The following CHD7 variants were observed in gnomAD, a reference collection of about 807,000 sequenced individuals.
The protein encoded by CHD7 is chromodomain helicase DNA binding protein 7.
CHD7 carries 24 observed loss-of-function variants against 307.3 expected under a neutral mutation model. The observed-to-expected ratio is 0.08, with a 90% confidence interval of 0.06 to 0.11. The LOEUF (loss-of-function observed/expected upper bound fraction) is 0.11. CHD7 is among the 10% of genes least tolerant of loss of function. The pLI is 1.00. For missense variants in CHD7, 3,106 were observed against 3,727.1 expected (o/e 0.83, Z 4.34); for synonymous variants, 1,363 against 1,349.9 (o/e 1.01, Z -0.21).
chr8:60,768,426 C>G (rs1055136158), intron 2 of CHD7, among the ~76,000 whole-genome samples: 1 of 152,224 alleles, frequency 6.6e-6, no homozygotes, highest in African/African-American at 2.4e-5. Flanking sequence ...AACAACTTCT[C>G]TAAAAGGAGC....
At chr8:60,828,547 A>G (rs936979367) in intron 13 of CHD7, 116 bp from the exon 14 acceptor site, 1 of 921,298 alleles carries the variant, frequency 1.1e-6, no homozygotes, top group Non-Finnish European at 1.6e-6. Context: ...TGATTCCTAT[A>G]CTTTGCATAG....
intron 17 of CHD7, 86 bp downstream of exon 17, chr8:60,837,098 T>A: frequency 9.6e-7 from 1 of 1,045,058 alleles, no homozygotes; most frequent in Non-Finnish European, 1.4e-6. Flanking sequence ...ACCCATAAAT[T>A]AATGTTGCGT....
chr8:60,731,433 G>A (rs961817706), intron 1 of CHD7, among the ~76,000 whole-genome samples: 2 of 152,184 alleles, frequency 1.3e-5, no homozygotes, highest in Admixed American at 6.5e-5. Context: ...GTGGGTGGAA[G>A]ACATGGATAG....
chr8:60,852,824 T>C lies in CHD7; in HGVS notation c.6104-5T>C, dbSNP rs376131239. 8.7e-6 allele frequency: 14 copies of C among 1,611,208 alleles called. No homozygotes were observed. Among genetic ancestry groups the C allele is most frequent in the Admixed American group, 5.0e-5 (3 of 59,980 alleles). ...CAAGTAAATATGAGCCCTTCTGTGT[T>C]ACAGAACCGCCCGACCTCTCCTCCA... On this transcript the variant is annotated splice_polypyrimidine_tract_variant and splice_region_variant and intron_variant, in intron 30 of 37. Transcript: ENST00000423902.
intron 2 of CHD7, among the ~76,000 whole-genome samples, chr8:60,759,482 T>TCTCTCCCTCTCTCC (rs1260497332): frequency 2.4e-4 from 35 of 143,612 alleles, no homozygotes; most frequent in African/African-American, 7.7e-4. Flanking sequence ...CCTCTCTCCC[T>TCTCTCCCTCTCTCC]CTCTCCCTCT....
chr8:60,832,521 C>T (rs1015711995), intron 15 of CHD7, among the ~76,000 whole-genome samples: 3 of 152,094 alleles, frequency 2.0e-5, no homozygotes, highest in African/African-American at 4.8e-5. Context: ...GATGAGGACA[C>T]GTGTGTGCAT....
At chr8:60,711,732 T>C (rs7845701) in intron 1 of CHD7, among the ~76,000 whole-genome samples, 117,837 of 152,110 alleles carry the variant, frequency 0.77, 45,962 homozygotes, top group East Asian at 0.94. Context: ...GACATATTAG[T>C]GTTATTTTAT....
chr8:60,739,815 T>A (rs568650823), intron 1 of CHD7, among the ~76,000 whole-genome samples: 1 of 152,352 alleles, frequency 6.6e-6, no homozygotes, highest in South Asian at 2.1e-4. Flanking sequence ...GTTAGCCCAT[T>A]GTTCATTCCC....
intron 3 of CHD7, among the ~76,000 whole-genome samples, chr8:60,792,955 C>T (rs1219364176): frequency 1.3e-5 from 2 of 152,156 alleles, no homozygotes; most frequent in African/African-American, 4.8e-5. Flanking sequence ...AACACTGCAG[C>T]GCAGGTGTTG....
At chr8:60,792,892 A>C (rs902801032) in intron 3 of CHD7, among the ~76,000 whole-genome samples, 5 of 152,246 alleles carry the variant, frequency 3.3e-5, no homozygotes, top group African/African-American at 1.2e-4. Context: ...AATTTGAGAA[A>C]TATGTAAAGT....
rs777041721 is a variant in CHD7, at chr8:60,862,179, T to C, written c.7831-17T>C. On this transcript the variant is annotated splice_polypyrimidine_tract_variant and intron_variant, in intron 35 of 37. Coordinates refer to ENST00000423902, the MANE Select transcript of CHD7 (RefSeq NM_017780.4). The stretch of plus-strand genomic sequence containing the variant: ...TACTAAATACCAATTTTACTAAATA[T>C]GTTTTTTCTTTTGCAGAAGAATGCA... 2 of 1,592,562 alleles carry C rather than the reference T, an allele frequency of 1.3e-6. No homozygotes were observed. The highest frequency in any genetic ancestry group is 1.7e-5 in the Admixed American group (1 of 57,380).
intron 15 of CHD7, among the ~76,000 whole-genome samples, chr8:60,833,201 A>G (rs1178406598): frequency 6.6e-6 from 1 of 152,260 alleles, no homozygotes. Context: ...AGAAGCCTCA[A>G]TCAACATTCA....
At chr8:60,713,858 C>T (rs1379883898) in intron 1 of CHD7, among the ~76,000 whole-genome samples, 1 of 152,052 alleles carries the variant, frequency 6.6e-6, no homozygotes, top group Non-Finnish European at 1.5e-5. Flanking sequence ...CATTGCCTGC[C>T]TGAATATGAG....
chr8:60,797,035 A>G lies in CHD7; in HGVS notation c.2238+1908A>G, dbSNP rs1334941946. ...AAAGCAATCCAAGTTTAAAAAGTTG[A>G]TATATTATTTTAGTGTCAATTCAAA... On this transcript the variant is annotated intron_variant, in intron 4 of 37. Coordinates refer to ENST00000423902, the MANE Select transcript of CHD7 (RefSeq NM_017780.4). 2.0e-5 allele frequency among the ~76,000 whole-genome samples: 3 copies of G among 152,184 alleles called. No homozygotes were observed. In the East Asian group the frequency reaches 5.8e-4, roughly 29 times the overall value.
intron 2 of CHD7, among the ~76,000 whole-genome samples, chr8:60,749,788 A>G (rs1197676738): frequency 6.6e-6 from 1 of 152,200 alleles, no homozygotes; most frequent in Admixed American, 6.5e-5. Flanking sequence ...TCTTCATGAC[A>G]TCTTTAGTTA....
Position 60,867,004 on chromosome 8 carries a change from T to C in CHD7, c.*1071T>C, listed in dbSNP as rs1806263509. The C allele has an allele frequency of 6.6e-6, 1 of 152,210 alleles. No individual in the cohort carries two copies. Among genetic ancestry groups the C allele is most frequent in the East Asian group, 1.9e-4 (1 of 5,202 alleles). The allele number at this position is 152,210 out of a possible 1,614,324, so 9.4% of individuals were successfully genotyped here. A position where few individuals can be genotyped will look rare whatever the true frequency, so the allele number is the denominator to read the frequency against. Reference sequence around the variant, plus strand: ...GCATTCTGGCTTTTGTACAGTTTCTTGATATATCCTCTTATACTAGATTAG... The same window carrying C: ...GCATTCTGGCTTTTGTACAGTTTCTCGATATATCCTCTTATACTAGATTAG... On this transcript the variant is annotated 3_prime_UTR_variant, in exon 38 of 38. Transcript: ENST00000423902.
At chr8:60,717,994 G>A (rs139682549) in intron 1 of CHD7, among the ~76,000 whole-genome samples, 22 of 151,942 alleles carry the variant, frequency 1.4e-4, no homozygotes, top group Middle Eastern at 3.4e-3. Flanking sequence ...ACATCTTCAG[G>A]CAGGTCCTTC....
Position 60,686,290 on chromosome 8 carries a change from C to T in CHD7, c.-175+7208C>T, listed in dbSNP as rs372664251. ...AACTTCAGCTTCAGATGGGCTTGTG[C>T]CAACTACTCTGTGGCAATTTATATC... On this transcript the variant is annotated intron_variant, in intron 1 of 37. Transcript: ENST00000423902. 3.0e-4 allele frequency among the ~76,000 whole-genome samples: 46 copies of T among 151,832 alleles called. No homozygotes were observed. In the East Asian group the frequency reaches 7.3e-3, roughly 24 times the overall value.
At position 60,823,855 on chromosome 8, in the gene CHD7, G is replaced by C. The variant is rs1288621938; in HGVS notation, c.3217G>C (p.Gly1073Arg). Reference sequence around the variant, plus strand: ...GTTCTTATAGGGTCGAGTGATAAAGGGGTCCTATAAGTTTCATGCCATCAT... The same window carrying C: ...GTTCTTATAGGGTCGAGTGATAAAGCGGTCCTATAAGTTTCATGCCATCAT... ...FKDPQGRVIKGSYKFHAIITT... is the reference protein window; with the variant it reads ...FKDPQGRVIKRSYKFHAIITT... Residue 1073 changes from glycine to arginine, a missense_variant, in exon 13 of 38, where the codon GGG becomes CGG. This residue lies in a region of CHD7 where 232 missense variants were observed against 422.5 expected (regional missense o/e 0.55). Coordinates refer to ENST00000423902, the MANE Select transcript of CHD7 (RefSeq NM_017780.4). 2.5e-6 allele frequency: 4 copies of C among 1,613,478 alleles called. No individual in the cohort carries two copies. Among genetic ancestry groups the C allele is most frequent in the Non-Finnish European group, 3.4e-6 (4 of 1,179,520 alleles).
Sources: allele counts gnomAD v4.1 joint callset (sites outside exome capture counted in the v4.1 genomes callset), GRCh38; gene constraint gnomAD v4.1.1; regional missense constraint gnomAD v4.1.1; transcripts MANE v1.5; gene names NCBI Gene and HGNC (gene_info 2026-07-23, HGNC 2026-07-21).